Variants in TANC2 observed in about 807,000 individuals in gnomAD.
TANC2 encodes protein TANC2.
Under a neutral mutation model 210.5 loss-of-function variants are expected in TANC2, and 26 were observed. That is an observed-to-expected ratio of 0.12 (90% CI 0.09 to 0.17). TANC2 has a LOEUF of 0.17. TANC2 is among the 10% of genes least tolerant of loss of function. TANC2 has a pLI of 1.00. For synonymous variants in TANC2, 931 were observed against 967.1 expected, an observed-to-expected ratio of 0.96 and a Z score of 0.69; for missense variants, 2,129 against 2,608.9, an observed-to-expected ratio of 0.82 and a Z score of 4.01.
chr17:62,974,252 A>T (rs1436243302), intron 1 of TANC2, among the ~76,000 whole-genome samples: 1 of 152,226 alleles, frequency 6.6e-6, no homozygotes, highest in Non-Finnish European at 1.5e-5. Flanking sequence ...ATTACATCTA[A>T]CACTGAATAA....
At chr17:63,221,236 GC>G (rs1378662105) in intron 7 of TANC2, among the ~76,000 whole-genome samples, 1 of 151,976 alleles carries the variant, frequency 6.6e-6, no homozygotes, top group African/African-American at 2.4e-5. Flanking sequence ...TTCAAGACCA[GC>G]CTGGCCAACA....
At chr17:63,298,622 T>C (rs184947279) in intron 9 of TANC2, among the ~76,000 whole-genome samples, 2 of 152,316 alleles carry the variant, frequency 1.3e-5, no homozygotes, top group Admixed American at 1.3e-4. Flanking sequence ...TTGTGCAATA[T>C]TGTGAATGTA....
chr17:62,996,222 G>A (rs1439605162), intron 1 of TANC2, among the ~76,000 whole-genome samples: 2 of 152,150 alleles, frequency 1.3e-5, no homozygotes, highest in African/African-American at 2.4e-5. Flanking sequence ...CACTGTTCAA[G>A]CAAACTAAAT....
rs753277402 is a variant in TANC2, at chr17:63,355,193, G to C, written c.2385G>C (p.Glu795Asp). 1.9e-6 allele frequency: 3 copies of C among 1,613,802 alleles called. No homozygotes were observed. Among genetic ancestry groups the C allele is most frequent in the Non-Finnish European group, 2.5e-6 (3 of 1,179,802 alleles). ...CCTCTCTCCACCCACTGACTGATGA[G>C]CATATCTTCCAGGCCATCAATGCTG... The change falls in exon 14 of 28, where the codon GAG (glutamate) becomes GAC (aspartate). Residue 795 changes from glutamate (E) to aspartate (D), a missense_variant. By Grantham distance (45) the Glu-to-Asp change is conservative. Around this residue, in one of 5 missense-constraint regions of TANC2, gnomAD observed 644 missense variants for 937.5 expected, o/e 0.69. Transcript: ENST00000689528.
intron 14 of TANC2, among the ~76,000 whole-genome samples, chr17:63,366,438 GA>G (rs1425403842): frequency 6.6e-6 from 1 of 152,202 alleles, no homozygotes; most frequent in Non-Finnish European, 1.5e-5. Flanking sequence ...GAGGAAGAGA[GA>G]AGTGATCAAT....
chr17:63,391,082 A>G (rs1461656891), intron 17 of TANC2: 2 of 152,058 alleles, frequency 1.3e-5, no homozygotes, highest in Middle Eastern at 3.2e-3. Context: ...CTCTTAACCC[A>G]CGGTGTTGCT....
chr17:63,075,184 G>A (rs901263113), intron 3 of TANC2, among the ~76,000 whole-genome samples: 3 of 152,094 alleles, frequency 2.0e-5, no homozygotes, highest in South Asian at 4.2e-4. Context: ...ATGAGATTAT[G>A]TAAAACTCTA....
rs189805734 is a variant in TANC2 at position 63,145,625 on chromosome 17, A to G, written c.323-5645A>G. Among the ~76,000 whole-genome samples, 103 of 152,220 alleles carry G rather than the reference A, an allele frequency of 6.8e-4. 1 individual carries two copies. The East Asian group carries it at 0.018, about 26-fold the overall frequency. On this transcript the variant is annotated intron_variant, in intron 4 of 27. Coordinates refer to ENST00000689528, the Ensembl canonical transcript of TANC2. Reference sequence around the variant, plus strand: ...TAAGGATCTAACCTCACTCTTTTGCATATTCAGTTTCCTCAAAACCATTTG... The same window carrying G: ...TAAGGATCTAACCTCACTCTTTTGCGTATTCAGTTTCCTCAAAACCATTTG...
At chr17:62,982,175 AT>A (rs2032337968) in intron 1 of TANC2, among the ~76,000 whole-genome samples, 1 of 152,240 alleles carries the variant, frequency 6.6e-6, no homozygotes, top group East Asian at 1.9e-4. Flanking sequence ...ATCCTGCATC[AT>A]TTTATTACCA....
In TANC2 at chr17:63,324,255, C is replaced by T. The variant is rs79072909; in HGVS notation, c.1575+5165C>T. Among the ~76,000 whole-genome samples, 380 of 152,124 alleles carry T rather than the reference C, an allele frequency of 2.5e-3. 2 individuals are homozygous for T. The highest frequency in any genetic ancestry group is 8.7e-3 in the African/African-American group (361 of 41,482). On this transcript the variant is annotated intron_variant, in intron 11 of 27. Coordinates refer to ENST00000689528, the Ensembl canonical transcript of TANC2. ...AATTTTAGGAAGTGTCACAGAGATA[C>T]AAAAAGCAAAGGTTTTTTTTCCCAA...
At position 62,985,117 on chromosome 17, in the gene TANC2, C is replaced by T. The variant is rs1014498857; in HGVS notation, c.-24+18368C>T. On this transcript the variant is annotated intron_variant, in intron 1 of 27. Coordinates refer to ENST00000689528, the Ensembl canonical transcript of TANC2. ...TTGGCTTGTCTGAAGTATTTTATTT[C>T]TTTCATCTCTAAGGATAGCTTTGTT... is the stretch of plus-strand genomic sequence containing the variant. 3.9e-5 allele frequency among the ~76,000 whole-genome samples: 6 copies of T among 152,216 alleles called. No individual in the cohort carries two copies. The South Asian group carries it at 6.2e-4, about 16-fold the overall frequency.
intron 7 of TANC2, among the ~76,000 whole-genome samples, chr17:63,205,372 A>AAAAAAAAAAAAAC (rs1472135033): frequency 3.0e-5 from 4 of 131,810 alleles, no homozygotes; most frequent in African/African-American, 9.4e-5. Context: ...AAAAAAAAAA[A>AAAAAAAAAAAAAC]CCTCATACAC....
intron 5 of TANC2, among the ~76,000 whole-genome samples, chr17:63,184,747 A>G (rs746658379): frequency 4.7e-5 from 7 of 149,276 alleles, no homozygotes; most frequent in Non-Finnish European, 7.4e-5. Context: ...TCCGCCTCCC[A>G]GGTTCAAGCT....
chr17:63,247,735 A>T (rs1043209815), intron 8 of TANC2, among the ~76,000 whole-genome samples: 1 of 152,146 alleles, frequency 6.6e-6, no homozygotes, highest in Non-Finnish European at 1.5e-5. Flanking sequence ...TCTGTCCTGG[A>T]GAACAAGATT....
intron 4 of TANC2, among the ~76,000 whole-genome samples, chr17:63,105,705 A>G (rs971796311): frequency 4.6e-5 from 7 of 151,824 alleles, no homozygotes; most frequent in Admixed American, 1.3e-4. Context: ...TGTTTTATAA[A>G]CATCCTGGAA....
chr17:63,364,044 G>A (rs1056089587), intron 14 of TANC2, among the ~76,000 whole-genome samples: 1 of 152,078 alleles, frequency 6.6e-6, no homozygotes, highest in Admixed American at 6.6e-5. Flanking sequence ...TATCTAATTT[G>A]CCAATGAATA....
chr17:63,283,545 G>C (rs1485281780), intron 9 of TANC2, among the ~76,000 whole-genome samples: 2 of 151,664 alleles, frequency 1.3e-5, no homozygotes, highest in Non-Finnish European at 3.0e-5. Flanking sequence ...CAGACGTACA[G>C]ACAGATCAAT....
At chr17:63,405,785 T>A (rs1191931067) in intron 20 of TANC2, among the ~76,000 whole-genome samples, 1 of 152,208 alleles carries the variant, frequency 6.6e-6, no homozygotes, top group Non-Finnish European at 1.5e-5. Context: ...AGTCACTTGA[T>A]TATGTTCAGT....
chr17:63,034,888 T>C (rs991965979), intron 2 of TANC2, among the ~76,000 whole-genome samples: 8 of 152,196 alleles, frequency 5.3e-5, no homozygotes, highest in Non-Finnish European at 1.0e-4. Flanking sequence ...CTGTGTCTGG[T>C]GAAGATGCTG....
Sources: gnomAD v4.1 joint callset for allele counts (sites outside exome capture counted in the v4.1 genomes callset) on GRCh38, gnomAD v4.1.1 for gene constraint, gnomAD v4.1.1 regional missense constraint, MANE v1.5 for transcripts, NCBI Gene and HGNC (gene_info 2026-07-23, HGNC 2026-07-21) for gene names.